Variants in CNOT11 observed in about 807,000 individuals in gnomAD.
CNOT11 encodes the protein UPF0760 protein C2orf29.
In CNOT11, 18 loss-of-function variants were observed where a neutral mutation model predicts 44.6. The ratio of observed to expected loss-of-function variants is 0.40; its 90% CI spans 0.28 to 0.60. The LOEUF (loss-of-function observed/expected upper bound fraction) is 0.60, where lower values mean the gene tolerates loss of function less well. Among genes scored for constraint, CNOT11 ranks in the 20% least tolerant of loss-of-function variants. The pLI is 0.38. For missense variants in CNOT11, 513 were observed against 677.0 expected (o/e 0.76, Z 2.69); for synonymous variants, 291 against 270.9 (o/e 1.07, Z -0.73).
In CNOT11 at chr2:101,264,889, A is replaced by C. The variant is rs763176328; in HGVS notation, c.877A>C (p.Ile293Leu). ...TATTCGTCCACCGCCTCCACTCCAC[A>C]TTTGTGAGGATGAACTTGCTTGGCT... ...EFIRPPPPLHICEDELAWLNP... is the reference protein window; with the variant it reads ...EFIRPPPPLHLCEDELAWLNP... Residue 293 changes from isoleucine (I) to leucine (L), a missense_variant, in exon 4 of 7, where the codon ATT becomes CTT. Coordinates refer to ENST00000289382, the MANE Select transcript of CNOT11 (RefSeq NM_017546.5). 1 of 1,614,112 alleles carries C rather than the reference A, an allele frequency of 6.2e-7. No homozygotes were observed. The highest frequency in any genetic ancestry group is 8.5e-7 in the Non-Finnish European group (1 of 1,180,028).
At position 101,253,465 on chromosome 2, in the gene CNOT11, C is replaced by T; in HGVS notation, c.501C>T (p.Arg167=). 6.7e-7 allele frequency: 1 copy of T among 1,490,478 alleles called. No individual in the cohort carries two copies. The highest frequency in any genetic ancestry group is 8.8e-7 in the Non-Finnish European group (1 of 1,130,480). 92.3% of individuals were successfully genotyped at this position (1,490,478 alleles called of 1,614,324 possible). ...PPARGGQEPD[R]PPLSGFLPPI... ...CCCGCGGCGGCCAGGAACCCGACCG[C>T]CCTCCGCTCTCAGGTACCTCCTGAA... Residue 167 remains arginine (R), a synonymous_variant, in exon 1 of 7, where the codon CGC becomes CGT. Coordinates refer to ENST00000289382, the MANE Select transcript of CNOT11 (RefSeq NM_017546.5). The surrounding 1 kb of genome is among the most constrained non-coding windows in gnomAD (Gnocchi z 4.3).
chr2:101,260,201 A>T (rs983047267), intron 2 of CNOT11, among the ~76,000 whole-genome samples: 2 of 152,238 alleles, frequency 1.3e-5, no homozygotes, highest in African/African-American at 2.4e-5. Flanking sequence ...ACTTTTATTT[A>T]TTCCTGACAA....
chr2:101,268,486 G>A (rs1202160947), intron 5 of CNOT11, among the ~76,000 whole-genome samples: 1 of 152,162 alleles, frequency 6.6e-6, no homozygotes, highest in Non-Finnish European at 1.5e-5. Flanking sequence ...ATCCTTAAAC[G>A]TGAAACACGT....
chr2:101,257,902 T>C lies in CNOT11; in HGVS notation c.626T>C (p.Val209Ala), dbSNP rs776395295. The C allele has an allele frequency of 6.8e-6, 11 of 1,614,060 alleles. No individual in the cohort carries two copies. The highest frequency in any genetic ancestry group is 1.3e-5 in the African/African-American group (1 of 75,032). ...KTPRQIALMD[V>A]GNMGQSVDIS... ...CCTCGCCAGATTGCACTGATGGACG[T>C]TGGAAACATGGGCCAGTCTGTGGAC... The change falls in exon 2 of 7, where the codon GTT becomes GCT. Residue 209 changes from valine to alanine, a missense_variant. Transcript: ENST00000289382.
Position 101,253,710 on chromosome 2 carries a change from A to C in CNOT11, c.514+232A>C, listed in dbSNP as rs75765810. On this transcript the variant is annotated intron_variant, in intron 1 of 6. Transcript: ENST00000289382. The surrounding 1 kb of genome is among the most constrained non-coding windows in gnomAD (Gnocchi z 4.3). ...TCGTGACACCGAAAATGATTTCTCTATACACCCCATCACATCATACAGCTC... is the reference window on the plus strand; with the variant it reads ...TCGTGACACCGAAAATGATTTCTCTCTACACCCCATCACATCATACAGCTC... Among the ~76,000 whole-genome samples the C allele has an allele frequency of 7.9e-5, 12 of 152,276 alleles. No homozygotes were observed. The East Asian group carries it at 2.3e-3, about 29-fold the overall frequency.
At chr2:101,266,654 C>CT (rs750620402) in intron 4 of CNOT11, 23 bp from the exon 5 acceptor site, 2 of 1,585,630 alleles carry the variant, frequency 1.3e-6, no homozygotes, top group African/African-American at 1.3e-5. Flanking sequence ...CTCTCTCTCT[C>CT]TTTAAAAATC....
intron 2 of CNOT11, among the ~76,000 whole-genome samples, chr2:101,262,123 C>G (rs1452884314): frequency 6.6e-6 from 1 of 152,168 alleles, no homozygotes; most frequent in Non-Finnish European, 1.5e-5. Flanking sequence ...GCTGGAATTA[C>G]AGGCATGAGC....
chr2:101,261,844 C>CTTTTTTTTTTTTTTTTTTT (rs3044629), intron 2 of CNOT11, among the ~76,000 whole-genome samples: 3 of 111,850 alleles, frequency 2.7e-5, no homozygotes, highest in Non-Finnish European at 5.3e-5. Flanking sequence ...TTCTTTCTTT[C>CTTTTTTTTTTTTTTTTTTT]TTTTTTTTTT....
Position 101,253,596 on chromosome 2 carries a change from CT to C in CNOT11, c.514+123del. 1.0e-6 allele frequency: 1 copy of C among 983,688 alleles called. No individual in the cohort carries two copies. The highest frequency in any genetic ancestry group is 1.4e-6 in the Non-Finnish European group (1 of 708,284). The allele number at this position is 983,688 out of a possible 1,614,324, so 60.9% of individuals were successfully genotyped here. Reference sequence around the variant, plus strand: ...ACTATCCCTGTGAAATGATCATCCTCTTTTTCCGCCTCTCTCTGCGTTCCCA... The same window carrying C: ...ACTATCCCTGTGAAATGATCATCCTCTTTTCCGCCTCTCTCTGCGTTCCCA... On this transcript the variant is annotated intron_variant, in intron 1 of 6. Coordinates refer to ENST00000289382, the MANE Select transcript of CNOT11 (RefSeq NM_017546.5). The surrounding 1 kb of genome is among the most constrained non-coding windows in gnomAD (Gnocchi z 4.3).
At position 101,253,354 on chromosome 2, in the gene CNOT11, G is replaced by C. The variant is rs779450607; in HGVS notation, c.390G>C (p.Leu130=). 6.2e-6 allele frequency: 10 copies of C among 1,601,798 alleles called. No individual in the cohort carries two copies. The highest frequency in any genetic ancestry group is 8.5e-6 in the Non-Finnish European group (10 of 1,179,038). Reference sequence around the variant, plus strand: ...CGCAGCGCCTCACGGCGCTCTACCTGCTCTGGGAGATGTACCGCACCGAGC... The same window carrying C: ...CGCAGCGCCTCACGGCGCTCTACCTCCTCTGGGAGATGTACCGCACCGAGC... ...SAAQRLTALY[L]LWEMYRTEPL... The change falls in exon 1 of 7, where the codon CTG becomes CTC. Residue 130 remains leucine, a synonymous_variant. Transcript: ENST00000289382. This position sits in a 1 kb window ranked among gnomAD's most constrained non-coding sequence, Gnocchi z 4.3.
At chr2:101,254,697 ACC>A (rs1681699570) in intron 1 of CNOT11, among the ~76,000 whole-genome samples, 1 of 151,974 alleles carries the variant, frequency 6.6e-6, no homozygotes, top group Non-Finnish European at 1.5e-5. Context: ...GGAGTTTGAA[ACC>A]ATCCTGGGCA....
At chr2:101,264,095 A>G (rs1323544089) in intron 3 of CNOT11, among the ~76,000 whole-genome samples, 1 of 152,216 alleles carries the variant, frequency 6.6e-6, no homozygotes, top group Non-Finnish European at 1.5e-5. Context: ...CAGGGCTAGG[A>G]TCCATGACAG....
rs766993170 is a variant in CNOT11, at chr2:101,269,020, A to T, written c.1239-20A>T. 1 of 1,511,890 alleles carries T rather than the reference A, an allele frequency of 6.6e-7. No homozygotes were observed. The highest frequency in any genetic ancestry group is 2.0e-5 in the Admixed American group (1 of 50,152). 93.7% of individuals were successfully genotyped at this position (1,511,890 alleles called of 1,614,324 possible). On this transcript the variant is annotated intron_variant, in intron 5 of 6. Transcript: ENST00000289382. The surrounding 1 kb of genome is among the most constrained non-coding windows in gnomAD (Gnocchi z 4.8). ...GTTAGCAAATGAAATTAATGGGCCAAATTTTCTTTTACGAAACAGACTAAC... is the reference window on the plus strand; with the variant it reads ...GTTAGCAAATGAAATTAATGGGCCATATTTTCTTTTACGAAACAGACTAAC...
chr2:101,262,728 A>T (rs763016787), intron 3 of CNOT11, 37 bp downstream of exon 3: 2 of 1,569,826 alleles, frequency 1.3e-6, no homozygotes, highest in South Asian at 2.3e-5. Context: ...TCTTTGTTTT[A>T]TTCTGTCAGC....
chr2:101,255,395 T>C (rs545356802), intron 1 of CNOT11, among the ~76,000 whole-genome samples: 1 of 152,118 alleles, frequency 6.6e-6, no homozygotes, highest in East Asian at 1.9e-4. Context: ...CTTGGGAGGC[T>C]GAGGCAGGAG....
At chr2:101,263,934 A>C (rs1313289761) in intron 3 of CNOT11, among the ~76,000 whole-genome samples, 1 of 152,260 alleles carries the variant, frequency 6.6e-6, no homozygotes, top group Non-Finnish European at 1.5e-5. Context: ...ATAAATTGTT[A>C]AAAACTTTAT....
intron 1 of CNOT11, among the ~76,000 whole-genome samples, chr2:101,254,747 T>A (rs881133): frequency 0.87 from 132,004 of 152,094 alleles, 57,430 homozygotes; most frequent in East Asian, 1. Flanking sequence ...CAATAAAAAA[T>A]TTGCTGGGCA....
At chr2:101,257,393 C>CA (rs574971165) in intron 1 of CNOT11, among the ~76,000 whole-genome samples, 5,886 of 74,122 alleles carry the variant, frequency 0.079, 149 homozygotes, top group East Asian at 0.13. Flanking sequence ...GACTTCATCT[C>CA]AAAAAAAAAA....
At chr2:101,264,290 T>C (rs1394135056) in intron 3 of CNOT11, among the ~76,000 whole-genome samples, 1 of 152,262 alleles carries the variant, frequency 6.6e-6, no homozygotes, top group Non-Finnish European at 1.5e-5. Context: ...ATGAATATAG[T>C]ATTTGTGAAT....
Sources: gnomAD v4.1 joint callset for allele counts (sites outside exome capture counted in the v4.1 genomes callset) on GRCh38, gnomAD v4.1.1 for gene constraint, Gnocchi (gnomAD v3.1) non-coding constraint, MANE v1.5 for transcripts, NCBI Gene and HGNC (gene_info 2026-07-23, HGNC 2026-07-21) for gene names.